The following BBS1 variants were observed in gnomAD, a reference collection of about 807,000 sequenced individuals.
BBS1 encodes BBSome complex member BBS1.
Under a neutral mutation model 73.9 loss-of-function variants are expected in BBS1, and 60 were observed. The observed-to-expected ratio is 0.81, with a 90% CI of 0.66 to 1.01. The LOEUF (loss-of-function observed/expected upper bound fraction) is 1.01, where lower values mean the gene tolerates loss of function less well. Ranked by LOEUF, BBS1 falls within the 50% of genes least tolerant of loss-of-function variation. The pLI, the probability that BBS1 is intolerant of heterozygous loss-of-function variation, is 0.00. For missense variants in BBS1, 718 were observed against 770.3 expected (o/e 0.93, Z 0.80); for synonymous variants, 283 against 317.4 (o/e 0.89, Z 1.15).
intron 13 of BBS1, chr11:66,527,706 C>T (rs1239550329): frequency 6.6e-6 from 1 of 151,460 alleles, no homozygotes; most frequent in Non-Finnish European, 1.5e-5. Context: ...AAATAATAGT[C>T]CCTACCTTAG....
At chr11:66,530,066 G>T (rs917798777) in intron 14 of BBS1, 114 bp downstream of exon 14, 8 of 1,449,634 alleles carry the variant, frequency 5.5e-6, no homozygotes, top group Non-Finnish European at 7.5e-6. Flanking sequence ...AACTCAGCCC[G>T]TGCTCCCCAT....
chr11:66,517,618 C>G (rs1330347165), intron 7 of BBS1, among the ~76,000 whole-genome samples: 1 of 151,874 alleles, frequency 6.6e-6, no homozygotes, highest in Non-Finnish European at 1.5e-5. Context: ...CAGGCGCACA[C>G]CACCACGCCC....
At position 66,529,957 on chromosome 11, in the gene BBS1, G is replaced by T; in HGVS notation, c.1473+5G>T. On this transcript the variant is annotated splice_donor_5th_base_variant and intron_variant, in intron 14 of 16. Coordinates refer to ENST00000318312, the MANE Select transcript of BBS1 (RefSeq NM_024649.5). ...CCACTCAAGCTGCACGCCGTGGTGAGCATCTGGGTGAGGGCAGAGTCAGGG... is the reference window on the plus strand; with the variant it reads ...CCACTCAAGCTGCACGCCGTGGTGATCATCTGGGTGAGGGCAGAGTCAGGG... 1.9e-6 allele frequency: 3 copies of T among 1,598,798 alleles called. No individual in the cohort carries two copies. Among genetic ancestry groups the T allele is most frequent in the Non-Finnish European group, 2.5e-6 (3 of 1,178,052 alleles).
Position 66,523,769 on chromosome 11 carries a change from A to T in BBS1, c.997A>T (p.Met333Leu). Residue 333 changes from methionine to leucine, a missense_variant, in exon 11 of 17, where the codon ATG becomes TTG. Met to Leu is a conservative substitution (Grantham distance 15). Transcript: ENST00000318312. ...GCAGATGCCCGCAGCCATCCTGACC[A>T]TGAACCTCCTGGAGCAGCATTCCCG... Reference protein sequence around the residue: ...TVQMPAAILTMNLLEQHSRGL... With the variant: ...TVQMPAAILTLNLLEQHSRGL... The T allele has an allele frequency of 6.2e-7, 1 of 1,613,132 alleles. No homozygotes were observed. Among genetic ancestry groups the T allele is most frequent in the Non-Finnish European group, 8.5e-7 (1 of 1,180,026 alleles).
intron 4 of BBS1, among the ~76,000 whole-genome samples, 191 bp from the exon 5 acceptor site, chr11:66,515,349 G>T (rs1856026369): frequency 6.6e-6 from 1 of 152,164 alleles, no homozygotes. Flanking sequence ...TGGATTTGGG[G>T]AGGGATGATG....
rs760568652 is a variant in BBS1 at position 66,530,974 on chromosome 11, G to C, written c.1554G>C (p.Leu518=). 14 of 1,614,208 alleles carry C rather than the reference G, an allele frequency of 8.7e-6. No homozygotes were observed. The highest frequency in any genetic ancestry group is 1.1e-5 in the Non-Finnish European group (13 of 1,180,042). ...CAACCCGTCCTGTCCTGGGGCTGCT[G>C]GTCTGCTTCCTGTACAACGAGGCGC... ...TSTTRPVLGL[L]VCFLYNEALY... The change falls in exon 15 of 17, where the codon CTG becomes CTC. Residue 518 remains leucine, a synonymous_variant. Coordinates refer to ENST00000318312, the MANE Select transcript of BBS1 (RefSeq NM_024649.5).
intron 15 of BBS1, among the ~76,000 whole-genome samples, 156 bp downstream of exon 15, chr11:66,531,184 C>T (rs1856766672): frequency 6.6e-6 from 1 of 152,196 alleles, no homozygotes; most frequent in African/African-American, 2.4e-5. Context: ...AGGCCAAGGC[C>T]CCAGTAGGGG....
At chr11:66,529,734 C>G in intron 13 of BBS1, 85 bp from the exon 14 acceptor site, 1 of 1,551,890 alleles carries the variant, frequency 6.4e-7, no homozygotes, top group South Asian at 1.1e-5. Flanking sequence ...CCTCCCCACA[C>G]CAACCTGAGC....
At chr11:66,513,827 A>C (rs774635708) in intron 3 of BBS1, among the ~76,000 whole-genome samples, 8 of 152,206 alleles carry the variant, frequency 5.3e-5, no homozygotes, top group African/African-American at 1.2e-4. Flanking sequence ...GGGTGATAGG[A>C]AACAAGTTGG....
Position 66,525,457 on chromosome 11 carries a change from T to C in BBS1, c.1111-666T>C, listed in dbSNP as rs1230692404. Among the ~76,000 whole-genome samples the C allele has an allele frequency of 2.0e-5, 3 of 150,900 alleles. No homozygotes were observed. In the Admixed American group the frequency reaches 2.0e-4, roughly 10 times the overall value. The stretch of plus-strand genomic sequence containing the variant: ...GGTGCATGCCTATAATCGCATCTAC[T>C]GGGAAGGCCGAGGCAGAATCACTTG... On this transcript the variant is annotated intron_variant, in intron 11 of 16. Transcript: ENST00000318312.
chr11:66,529,902 C>T lies in BBS1; in HGVS notation c.1423C>T (p.Leu475=). The change falls in exon 14 of 17, where the codon CTG becomes TTG. Residue 475 remains leucine (L), a synonymous_variant. Transcript: ENST00000318312. ...RAYLQALESS[L]SPLSTTAREP... is the part of the protein sequence containing the mutation. The stretch of plus-strand genomic sequence containing the variant: ...CTACCTGCAGGCCCTCGAGTCCAGC[C>T]TGAGCCCCCTGTCCACGACAGCCCG... The T allele has an allele frequency of 6.2e-7, 1 of 1,607,518 alleles. No individual in the cohort carries two copies. Among genetic ancestry groups the T allele is most frequent in the Non-Finnish European group, 8.5e-7 (1 of 1,179,892 alleles).
intron 11 of BBS1, among the ~76,000 whole-genome samples, chr11:66,525,658 G>A (rs1009480303): frequency 6.6e-6 from 1 of 152,242 alleles, no homozygotes; most frequent in African/African-American, 2.4e-5. Context: ...TTGGGCCATA[G>A]GTGCTGGGAG....
intron 8 of BBS1, 154 bp downstream of exon 8, chr11:66,519,902 G>C (rs746033246): frequency 1.1e-6 from 1 of 936,108 alleles, no homozygotes; most frequent in South Asian, 1.5e-5. Context: ...AAATCCTACC[G>C]CCTATGGATG....
intron 11 of BBS1, among the ~76,000 whole-genome samples, chr11:66,525,396 TTACAAA>T (rs1352530621): frequency 1.4e-5 from 2 of 145,072 alleles, no homozygotes. Flanking sequence ...AAATAAATAA[TTACAAA>T]TACAAATAGA....
Position 66,511,004 on chromosome 11 carries a change from C to G in BBS1, c.48-9C>G. On this transcript the variant is annotated splice_polypyrimidine_tract_variant and intron_variant, in intron 1 of 16. Transcript: ENST00000318312. ...ACTCACTCCCCAACTGTCTTTCCCCCACTTCCAGCAATGAGGCCAATTCGA... is the reference window on the plus strand; with the variant it reads ...ACTCACTCCCCAACTGTCTTTCCCCGACTTCCAGCAATGAGGCCAATTCGA... 4 of 1,614,140 alleles carry G rather than the reference C, an allele frequency of 2.5e-6. No individual in the cohort carries two copies. In the South Asian group the frequency reaches 3.3e-5, roughly 13 times the overall value.
At chr11:66,521,405 G>A in intron 9 of BBS1, 29 bp downstream of exon 9, 1 of 1,574,106 alleles carries the variant, frequency 6.4e-7, no homozygotes, top group Non-Finnish European at 8.7e-7. Flanking sequence ...TCCGGGGCCG[G>A]GAGGAACATC....
intron 14 of BBS1, 65 bp from the exon 15 acceptor site, chr11:66,530,829 C>A: frequency 6.2e-7 from 1 of 1,607,382 alleles, no homozygotes; most frequent in Non-Finnish European, 8.5e-7. Flanking sequence ...GCAGGCAGAG[C>A]ACACTGTACT....
In BBS1 at chr11:66,529,860, C is replaced by T; in HGVS notation, c.1381C>T (p.Leu461=). ...CCAGACAGACCTATACCTGCTGCGC[C>T]TACGTGCTGCCCGCGCCTACCTGCA... is the stretch of plus-strand genomic sequence containing the variant. The part of the protein sequence containing the change: ...AFQTDLYLLR[L]RAARAYLQAL... The change falls in exon 14 of 17, where the codon CTA becomes TTA. Residue 461 remains leucine (L), a synonymous_variant. Transcript: ENST00000318312. 1 of 1,610,772 alleles carries T rather than the reference C, an allele frequency of 6.2e-7. No homozygotes were observed. The highest frequency in any genetic ancestry group is 1.1e-5 in the South Asian group (1 of 91,084).
In BBS1 at chr11:66,531,969, G is replaced by A. The variant is rs758544060; in HGVS notation, c.1714G>A (p.Gly572Ser). Residue 572 changes from glycine (G) to serine (S), a missense_variant, in exon 17 of 17, where the codon GGC becomes AGC. Transcript: ENST00000318312. Reference protein sequence around the residue: ...DIIKVLVLREGQSAPLLSAHV... With the variant: ...DIIKVLVLRESQSAPLLSAHV... The stretch of plus-strand genomic sequence containing the variant: ...TCCATAGGTGCTGGTGCTTCGAGAA[G>A]GCCAAAGTGCACCCCTGCTGAGTGC... 1.9e-6 allele frequency: 3 copies of A among 1,601,920 alleles called. No homozygotes were observed. The highest frequency in any genetic ancestry group is 2.6e-6 in the Non-Finnish European group (3 of 1,174,824).
Sources: allele counts gnomAD v4.1 joint callset (sites outside exome capture counted in the v4.1 genomes callset), GRCh38; gene constraint gnomAD v4.1.1; transcripts MANE v1.5; gene names NCBI Gene and HGNC (gene_info 2026-07-23, HGNC 2026-07-21).